The following SLC25A36 variants were observed in gnomAD, a reference collection of about 807,000 sequenced individuals.
SLC25A36 encodes the protein epididymis secretory sperm binding protein.
Under a neutral mutation model 35.3 loss-of-function variants are expected in SLC25A36, and 24 were observed. The observed-to-expected ratio is 0.68, with a 90% CI of 0.49 to 0.96. SLC25A36 has a LOEUF of 0.96. Ranked by LOEUF, SLC25A36 falls within the 40% of genes least tolerant of loss-of-function variation. The probability of loss-of-function intolerance (pLI) is 0.00; values close to 1 mark genes in which losing one functional copy is unlikely to be tolerated. For missense variants in SLC25A36, 294 were observed against 381.1 expected (o/e 0.77, Z 1.90); for synonymous variants, 141 against 132.2 (o/e 1.07, Z -0.46).
rs1323099501 is a variant in SLC25A36 at position 140,957,844 on chromosome 3, T to C, written c.206+1153T>C. Among the ~76,000 whole-genome samples, 6 of 152,202 alleles carry C rather than the reference T, an allele frequency of 3.9e-5. No individual in the cohort carries two copies. In the South Asian group the frequency reaches 1.2e-3, roughly 31 times the overall value. ...GATATTTATTACCACAGATTGCCCC[T>C]CCTTAAAATTCTTCTTTTGACCTCT... On this transcript the variant is annotated intron_variant, in intron 2 of 6. Coordinates refer to ENST00000324194, the MANE Select transcript of SLC25A36 (RefSeq NM_001104647.3).
chr3:140,971,815 A>C (rs946891262), intron 5 of SLC25A36, among the ~76,000 whole-genome samples: 1 of 152,190 alleles, frequency 6.6e-6, no homozygotes, highest in African/African-American at 2.4e-5. Context: ...TTAGACTTTC[A>C]GTCTGGAGTA....
intron 1 of SLC25A36, 145 bp from the exon 2 acceptor site, chr3:140,956,382 T>C: frequency 3.9e-6 from 4 of 1,016,094 alleles, no homozygotes; most frequent in Non-Finnish European, 5.2e-6. Flanking sequence ...CTCTTAAAAA[T>C]CAGTTTAGTC....
intron 2 of SLC25A36, among the ~76,000 whole-genome samples, chr3:140,957,571 G>A (rs866452919): frequency 5.3e-5 from 8 of 152,002 alleles, no homozygotes; most frequent in Admixed American, 2.0e-4. Context: ...GTGAAACCCC[G>A]TCTGTACTAA....
chr3:140,969,566 G>A (rs917113705), intron 4 of SLC25A36, among the ~76,000 whole-genome samples: 3 of 151,726 alleles, frequency 2.0e-5, no homozygotes, highest in Admixed American at 2.0e-4. Context: ...TTTGTATAAC[G>A]TCTGGCTATT....
At chr3:140,976,115 A>T (rs1385927827) in intron 6 of SLC25A36, 145 bp from the exon 7 acceptor site, 4 of 552,756 alleles carry the variant, frequency 7.2e-6, no homozygotes, top group Non-Finnish European at 1.3e-5. Flanking sequence ...CTATAATGTG[A>T]CTGGTTTCAA....
chr3:140,942,159 G>C (rs1197135684), intron 1 of SLC25A36, 64 bp downstream of exon 1: 6 of 272,048 alleles, frequency 2.2e-5, no homozygotes, highest in Non-Finnish European at 3.3e-5. Context: ...CGCAGGCGAG[G>C]GGGGCGAGGG....
In SLC25A36 at chr3:140,971,767, A is replaced by G. The variant is rs184597125; in HGVS notation, c.452+774A>G. Among the ~76,000 whole-genome samples the G allele has an allele frequency of 8.5e-5, 13 of 152,308 alleles. No homozygotes were observed. The East Asian group carries it at 2.5e-3, about 29-fold the overall frequency. On this transcript the variant is annotated intron_variant, in intron 5 of 6. Coordinates refer to ENST00000324194, the MANE Select transcript of SLC25A36 (RefSeq NM_001104647.3). The stretch of plus-strand genomic sequence containing the variant: ...TTAAGTAACGAGATGGTCCTATCTT[A>G]TATGTTACAATAATAATGTTAATGG...
intron 1 of SLC25A36, among the ~76,000 whole-genome samples, chr3:140,953,998 C>T (rs1341480300): frequency 6.6e-6 from 1 of 151,958 alleles, no homozygotes; most frequent in East Asian, 1.9e-4. Context: ...GGATATTGAA[C>T]AGTTTTTGTT....
intron 2 of SLC25A36, among the ~76,000 whole-genome samples, chr3:140,957,806 A>G (rs1457176399): frequency 3.9e-5 from 6 of 152,194 alleles, no homozygotes; most frequent in Admixed American, 3.3e-4. Context: ...AAGTATTTTA[A>G]TATCATGATT....
Position 140,963,119 on chromosome 3 carries a change from TA to T in SLC25A36, c.285-7del. On this transcript the variant is annotated splice_region_variant and splice_polypyrimidine_tract_variant and intron_variant, in intron 3 of 6. Coordinates refer to ENST00000324194, the MANE Select transcript of SLC25A36 (RefSeq NM_001104647.3). ...ATGCTTATTGATAAATCTAAATCTC[TA>T]TTTTAGAGCAATATACTTTGCTGCT... is the stretch of plus-strand genomic sequence containing the variant. The T allele has an allele frequency of 6.6e-7, 1 of 1,520,618 alleles. No homozygotes were observed. The highest frequency in any genetic ancestry group is 1.3e-5 in the South Asian group (1 of 79,860). The allele number at this position is 1,520,618 out of a possible 1,614,324, so 94.2% of individuals were successfully genotyped here.
At chr3:140,959,438 A>T (rs900251380) in intron 2 of SLC25A36, 25 bp from the exon 3 acceptor site, 5 of 1,312,456 alleles carry the variant, frequency 3.8e-6, no homozygotes, top group Non-Finnish European at 5.2e-6. Flanking sequence ...GATATTTCTG[A>T]TAGAATTTTT....
chr3:140,941,896 A>C lies in SLC25A36; in HGVS notation c.-159A>C. On this transcript the variant is annotated 5_prime_UTR_variant, in exon 1 of 7. Transcript: ENST00000324194. ...GTGGCGCGGCTGGAGTGCCGCGGGG[A>C]GGGCTGTGCCGGTTGCTTTCTGCAG... 1 of 494,522 alleles carries C rather than the reference A, an allele frequency of 2.0e-6. No individual in the cohort carries two copies. The allele number at this position is 494,522 out of a possible 1,614,324, so 30.6% of individuals were successfully genotyped here.
intron 3 of SLC25A36, 22 bp downstream of exon 3, chr3:140,959,562 T>C: frequency 8.4e-7 from 1 of 1,188,924 alleles, no homozygotes; most frequent in Non-Finnish European, 1.1e-6. Context: ...AAAAAATTGT[T>C]TAAAGCAAGT....
At chr3:140,971,420 T>A (rs1321432642) in intron 5 of SLC25A36, among the ~76,000 whole-genome samples, 1 of 152,200 alleles carries the variant, frequency 6.6e-6, no homozygotes, top group Non-Finnish European at 1.5e-5. Flanking sequence ...TAGAGAACCC[T>A]AGGCTGACAG....
At chr3:140,967,037 G>A (rs1441099873) in intron 4 of SLC25A36, 1 of 456,206 alleles carries the variant, frequency 2.2e-6, no homozygotes, top group South Asian at 1.5e-5. Context: ...CTTAAACCTC[G>A]TGAGTACTGA....
intron 1 of SLC25A36, among the ~76,000 whole-genome samples, chr3:140,956,022 T>C (rs554708309): frequency 6.6e-6 from 1 of 152,346 alleles, no homozygotes; most frequent in African/African-American, 2.4e-5. Context: ...GGTGAAATAC[T>C]TCTGAATATT....
intron 1 of SLC25A36, among the ~76,000 whole-genome samples, chr3:140,950,906 G>A (rs1331471198): frequency 1.6e-5 from 2 of 127,726 alleles, no homozygotes; most frequent in Non-Finnish European, 3.2e-5. Flanking sequence ...GTCTCTGTGT[G>A]TGTCTGTGTG....
rs1172945982 is a variant in SLC25A36 at position 140,956,703 on chromosome 3, G to A, written c.206+12G>A. The A allele has an allele frequency of 2.5e-6, 4 of 1,569,424 alleles. No homozygotes were observed. The African/African-American group carries it at 4.1e-5, about 16-fold the overall frequency. Reference sequence around the variant, plus strand: ...CTTCATTGCCTAAAGTGAGAGCATAGTATTCAGGAGTGTTTTTTAGTTTGT... The same window carrying A: ...CTTCATTGCCTAAAGTGAGAGCATAATATTCAGGAGTGTTTTTTAGTTTGT... On this transcript the variant is annotated intron_variant, in intron 2 of 6. Transcript: ENST00000324194.
chr3:140,963,344 A>T (rs1934679427), intron 4 of SLC25A36, 117 bp downstream of exon 4: 1 of 681,126 alleles, frequency 1.5e-6, no homozygotes. Flanking sequence ...TGATTAGATG[A>T]TTTTTACGTT....
Sources: allele counts gnomAD v4.1 joint callset (sites outside exome capture counted in the v4.1 genomes callset), GRCh38; gene constraint gnomAD v4.1.1; transcripts MANE v1.5; gene names NCBI Gene and HGNC (gene_info 2026-07-23, HGNC 2026-07-21).